The following PABPC1L variants were observed in gnomAD, a reference collection of about 807,000 sequenced individuals.
The protein encoded by PABPC1L is polyadenylate-binding protein 1-like.
Under a neutral mutation model 66.6 loss-of-function variants are expected in PABPC1L, and 31 were observed. The observed-to-expected ratio is 0.47, with a 90% CI of 0.35 to 0.63. The LOEUF (loss-of-function observed/expected upper bound fraction) is 0.63, where lower values mean the gene tolerates loss of function less well. PABPC1L is among the 20% of genes least tolerant of loss of function. PABPC1L has a pLI of 0.00. For missense variants in PABPC1L, 722 were observed against 848.8 expected, an observed-to-expected ratio of 0.85 and a Z score of 1.86; for synonymous variants, 348 against 335.1, an observed-to-expected ratio of 1.04 and a Z score of -0.42.
chr20:44,937,093 C>G, intron 12 of PABPC1L: 1 of 436,448 alleles, frequency 2.3e-6, no homozygotes, highest in Admixed American at 2.6e-5. Context: ...CCTCACACCT[C>G]TCCTGAACGG....
At chr20:44,927,666 A>G (rs111755025) in intron 7 of PABPC1L, among the ~76,000 whole-genome samples, 1,828 of 152,160 alleles carry the variant, frequency 0.012, 31 homozygotes, top group African/African-American at 0.039. Flanking sequence ...TATCTGATGA[A>G]GCCTGTGGAA....
rs760949442 is a variant in PABPC1L, at chr20:44,936,637, G to A, written c.1567G>A (p.Val523Ile). ...CSSAAHSTYR[V>I]QEPAVHIPGQ... ...GGGATGTGTCCCCGGCACCATGCAG[G>A]TCCAGGAGCCGGCTGTGCACATCCC... The change falls in exon 12 of 15, where the codon GTC (valine) becomes ATC (isoleucine). Residue 523 changes from valine (V) to isoleucine (I), a missense_variant and splice_region_variant. This residue lies in a region of PABPC1L where 301 missense variants were observed against 337.2 expected (regional missense o/e 0.89). Transcript: ENST00000217073. 9 of 1,590,400 alleles carry A rather than the reference G, an allele frequency of 5.7e-6. No homozygotes were observed. The highest frequency in any genetic ancestry group is 7.7e-6 in the Non-Finnish European group (9 of 1,169,412).
intron 7 of PABPC1L, among the ~76,000 whole-genome samples, chr20:44,928,864 C>CAAAAAAAAAAAAAAAAAAAAAAAAA (rs10597679): frequency 5.5e-5 from 3 of 54,358 alleles, no homozygotes; most frequent in African/African-American, 8.5e-5. Context: ...GATCCTGACT[C>CAAAAAAAAAAAAAAAAAAAAAAAAA]AAAAAAAAAA....
chr20:44,938,319 A>G (rs542371520), intron 13 of PABPC1L, 128 bp downstream of exon 13: 1 of 1,267,164 alleles, frequency 7.9e-7, no homozygotes, highest in African/African-American at 1.5e-5. Flanking sequence ...TAATACCTGA[A>G]GGCCTGCTGA....
chr20:44,912,533 T>G, intron 1 of PABPC1L, 127 bp from the exon 2 acceptor site: 1 of 790,784 alleles, frequency 1.3e-6, no homozygotes, highest in Admixed American at 2.9e-5. Context: ...TTATCTTGGC[T>G]TATTGTCTGG....
At chr20:44,924,427 C>A (rs2066794954) in intron 7 of PABPC1L, among the ~76,000 whole-genome samples, 171 bp downstream of exon 7, 3 of 152,116 alleles carry the variant, frequency 2.0e-5, no homozygotes, top group Admixed American at 2.0e-4. Context: ...CATCTGCAGC[C>A]TTGTCTGGGC....
chr20:44,914,209 T>TTTG (rs2066723642), intron 2 of PABPC1L, among the ~76,000 whole-genome samples: 1 of 146,892 alleles, frequency 6.8e-6, no homozygotes, highest in Non-Finnish European at 1.5e-5. Flanking sequence ...CAGAACTTTT[T>TTTG]TTTTTTTTTT....
In PABPC1L at chr20:44,931,043, C is replaced by T. The variant is rs1359222112; in HGVS notation, c.1239+317C>T. Among the ~76,000 whole-genome samples, 370 of 55,554 alleles carry T rather than the reference C, an allele frequency of 6.7e-3. 8 individuals carry two copies. The highest frequency in any genetic ancestry group is 0.028 in the African/African-American group (357 of 12,776). The allele number at this position is 55,554 out of a possible 152,430, so 36.4% of individuals were successfully genotyped here. A position where few individuals can be genotyped will look rare whatever the true frequency, so the allele number is the denominator to read the frequency against. On this transcript the variant is annotated intron_variant, in intron 8 of 14. Coordinates refer to ENST00000217073, the MANE Select transcript of PABPC1L (RefSeq NM_001372179.1). ...CTTCCCTCCCTTCCCTCCCTTCCCTCCCTTCCCTTCCCTTCCCTTCCCTCC... is the reference window on the plus strand; with the variant it reads ...CTTCCCTCCCTTCCCTCCCTTCCCTTCCTTCCCTTCCCTTCCCTTCCCTCC...
chr20:44,919,172 G>T lies in PABPC1L; in HGVS notation c.644-11G>T. 6.2e-7 allele frequency: 1 copy of T among 1,614,188 alleles called. No homozygotes were observed. The highest frequency in any genetic ancestry group is 1.1e-5 in the South Asian group (1 of 91,090). ...CCAGACTCCCCTTTGAGCCAGGTTG[G>T]TCCTTTGCAGGGAAAATGCTGAGTG... On this transcript the variant is annotated splice_polypyrimidine_tract_variant and intron_variant, in intron 4 of 14. Coordinates refer to ENST00000217073, the MANE Select transcript of PABPC1L (RefSeq NM_001372179.1).
chr20:44,939,074 C>T, intron 14 of PABPC1L, 52 bp from the exon 15 acceptor site: 2 of 717,284 alleles, frequency 2.8e-6, no homozygotes, highest in Admixed American at 2.0e-5. Flanking sequence ...TTATTGAAGA[C>T]TGGGTGTCTG....
At chr20:44,931,048 C>CCTCCCTT (rs1568650039) in intron 8 of PABPC1L, among the ~76,000 whole-genome samples, 4 of 26,364 alleles carry the variant, frequency 1.5e-4, no homozygotes, top group African/African-American at 4.0e-4. Flanking sequence ...TCCCTCCCTT[C>CCTCCCTT]CCTTCCCTTC....
chr20:44,914,639 A>G (rs1202740087), intron 2 of PABPC1L, among the ~76,000 whole-genome samples: 1 of 152,212 alleles, frequency 6.6e-6, no homozygotes, highest in African/African-American at 2.4e-5. Flanking sequence ...GAGGAGATGT[A>G]GTAATGCACT....
intron 3 of PABPC1L, 58 bp from the exon 4 acceptor site, chr20:44,918,848 G>T (rs2066753661): frequency 6.6e-7 from 1 of 1,523,762 alleles, no homozygotes. Context: ...AGTTGGCATG[G>T]GGGTGGCTGA....
At chr20:44,921,273 C>T (rs752104121) in intron 5 of PABPC1L, among the ~76,000 whole-genome samples, 3 of 151,092 alleles carry the variant, frequency 2.0e-5, no homozygotes, top group Non-Finnish European at 4.4e-5. Flanking sequence ...CTCAGCCTCC[C>T]GAGTAGCTGG....
rs2066925548 is a variant in PABPC1L at position 44,939,273 on chromosome 20, C to A, written c.*154C>A. The stretch of plus-strand genomic sequence containing the variant: ...GAATGAAGGTTGGTCACCCATCCAG[C>A]CTATTACCTTTTGCTTTGTGTATTA... On this transcript the variant is annotated 3_prime_UTR_variant, in exon 15 of 15. Coordinates refer to ENST00000217073, the MANE Select transcript of PABPC1L (RefSeq NM_001372179.1). The A allele has an allele frequency of 1.4e-6, 1 of 712,146 alleles. No homozygotes were observed. The highest frequency in any genetic ancestry group is 1.5e-5 in the South Asian group (1 of 66,864). 44.1% of individuals were successfully genotyped at this position (712,146 alleles called of 1,614,324 possible).
chr20:44,927,461 C>T (rs765208283), intron 7 of PABPC1L, among the ~76,000 whole-genome samples: 68 of 152,130 alleles, frequency 4.5e-4, no homozygotes, highest in Non-Finnish European at 8.5e-4. Context: ...GATTCTCCTG[C>T]TTCAGCCTCC....
chr20:44,934,720 A>G (rs1464555530), intron 10 of PABPC1L, among the ~76,000 whole-genome samples: 2 of 152,212 alleles, frequency 1.3e-5, no homozygotes, highest in African/African-American at 4.8e-5. Flanking sequence ...TTATTCATTC[A>G]TCTATCAATG....
At chr20:44,928,892 A>G (rs1461911706) in intron 7 of PABPC1L, among the ~76,000 whole-genome samples, 1 of 150,732 alleles carries the variant, frequency 6.6e-6, no homozygotes, top group Non-Finnish European at 1.5e-5. Flanking sequence ...AAAAGAAAAA[A>G]AAAAAGGAAA....
In PABPC1L at chr20:44,932,345, C is replaced by G; in HGVS notation, c.1243C>G (p.Pro415Ala). The part of the protein sequence containing the change: ...SYFLPAMPQP[P>A]AQAAYYGCGP... ...TGGGTCTTCTTTTCCCATGCAGCCT[C>G]CAGCCCAGGCTGCATACTATGGCTG... Residue 415 changes from proline to alanine, a missense_variant, in exon 9 of 15, where the codon CCA becomes GCA. Around this residue, in one of 3 missense-constraint regions of PABPC1L, gnomAD observed 301 missense variants for 337.2 expected, o/e 0.89. Coordinates refer to ENST00000217073, the MANE Select transcript of PABPC1L (RefSeq NM_001372179.1). The G allele has an allele frequency of 6.2e-7, 1 of 1,609,940 alleles. No individual in the cohort carries two copies. The highest frequency in any genetic ancestry group is 8.5e-7 in the Non-Finnish European group (1 of 1,177,086).
Sources: allele counts gnomAD v4.1 joint callset (sites outside exome capture counted in the v4.1 genomes callset), GRCh38; gene constraint gnomAD v4.1.1; regional missense constraint gnomAD v4.1.1; transcripts MANE v1.5; gene names NCBI Gene and HGNC (gene_info 2026-07-23, HGNC 2026-07-21).